Variants in BCS1L observed in about 807,000 individuals in gnomAD.
The protein encoded by BCS1L is mitochondrial chaperone BCS1.
Under a neutral mutation model 49.3 loss-of-function variants are expected in BCS1L, and 38 were observed. The ratio of observed to expected loss-of-function variants is 0.77; its 90% CI spans 0.59 to 1.01. The LOEUF (loss-of-function observed/expected upper bound fraction) is 1.01. BCS1L is among the 50% of genes least tolerant of loss of function. BCS1L has a pLI of 0.00. For missense variants in BCS1L, 394 were observed against 540.2 expected, an observed-to-expected ratio of 0.73 and a Z score of 2.68; for synonymous variants, 193 against 210.1, an observed-to-expected ratio of 0.92 and a Z score of 0.70.
rs1458974411 is a variant in BCS1L, at chr2:218,659,945, C to T, written c.-50+202C>T. On this transcript the variant is annotated intron_variant, in intron 1 of 7. Transcript: ENST00000359273. The surrounding 1 kb of genome is among the most constrained non-coding windows in gnomAD (Gnocchi z 4.4). ...TCAGCCGAGGTCACTGCTGTCAGCT[C>T]ACCTCCCTGCATGCCAGGCGCAGGG... 2.0e-5 allele frequency: 3 copies of T among 152,300 alleles called. No individual in the cohort carries two copies. The highest frequency in any genetic ancestry group is 4.4e-5 in the Non-Finnish European group (3 of 68,130). The allele number at this position is 152,300 out of a possible 1,614,324, so 9.4% of individuals were successfully genotyped here.
Position 218,662,505 on chromosome 2 carries a change from C to T in BCS1L, c.720-5C>T, listed in dbSNP as rs763546035. On this transcript the variant is annotated splice_polypyrimidine_tract_variant and splice_region_variant and intron_variant, in intron 5 of 7. Coordinates refer to ENST00000359273, the MANE Select transcript of BCS1L (RefSeq NM_001079866.2). This position sits in a 1 kb window ranked among gnomAD's most constrained non-coding sequence, Gnocchi z 5.8. ...TGCTACCTCCTGCCATCCCATGCTC[C>T]ATAGCACAGCCCTGGCTGGGGAACT... 1.2e-6 allele frequency: 2 copies of T among 1,613,716 alleles called. No homozygotes were observed. The highest frequency in any genetic ancestry group is 1.7e-6 in the Non-Finnish European group (2 of 1,180,026).
chr2:218,659,513 C>A (rs1441877178), upstream of BCS1L: 1 of 152,248 alleles, frequency 6.6e-6, no homozygotes, highest in African/African-American at 2.4e-5. This position sits in a 1 kb window ranked among gnomAD's most constrained non-coding sequence, Gnocchi z 4.4. Context: ...TTCCTCTTGC[C>A]GGCTGCCGGG....
In BCS1L at chr2:218,662,824, A is replaced by G. The variant is rs1332988665; in HGVS notation, c.890-59A>G. On this transcript the variant is annotated intron_variant, in intron 6 of 7. Coordinates refer to ENST00000359273, the MANE Select transcript of BCS1L (RefSeq NM_001079866.2). The surrounding 1 kb of genome is among the most constrained non-coding windows in gnomAD (Gnocchi z 5.8). Reference sequence around the variant, plus strand: ...GATAAGTAGGGGAACATAGTGGGGCATGCTAATTTTATGCTGGGCTATGAC... The same window carrying G: ...GATAAGTAGGGGAACATAGTGGGGCGTGCTAATTTTATGCTGGGCTATGAC... 1.3e-6 allele frequency: 2 copies of G among 1,586,764 alleles called. No homozygotes were observed. Among genetic ancestry groups the G allele is most frequent in the African/African-American group, 2.7e-5 (2 of 74,258 alleles).
At position 218,661,334 on chromosome 2, in the gene BCS1L, T is replaced by C. The variant is rs1236530840; in HGVS notation, c.320+27T>C. ...TAAGGTGGGGAGCTAGGGAGGGCTGTGAGAGTAGAAAAGAATGATGGGAGC... is the reference window on the plus strand; with the variant it reads ...TAAGGTGGGGAGCTAGGGAGGGCTGCGAGAGTAGAAAAGAATGATGGGAGC... On this transcript the variant is annotated intron_variant, in intron 2 of 7. Transcript: ENST00000359273. The surrounding 1 kb of genome is among the most constrained non-coding windows in gnomAD (Gnocchi z 5.9). 6.2e-7 allele frequency: 1 copy of C among 1,614,046 alleles called. No homozygotes were observed. The highest frequency in any genetic ancestry group is 8.5e-7 in the Non-Finnish European group (1 of 1,180,026).
rs779504946 is a variant in BCS1L at position 218,661,849 on chromosome 2, G to A, written c.551G>A (p.Arg184His). The A allele has an allele frequency of 2.4e-5, 38 of 1,614,036 alleles. No homozygotes were observed. Among genetic ancestry groups the A allele is most frequent in the Admixed American group, 2.2e-4 (13 of 59,992 alleles). Residue 184 changes from arginine (R) to histidine (H), a missense_variant, in exon 4 of 8, where the codon CGC becomes CAC. By Grantham distance (29) the Arg-to-His change is conservative. Transcript: ENST00000359273. This position sits in a 1 kb window ranked among gnomAD's most constrained non-coding sequence, Gnocchi z 5.9. Reference sequence around the variant, plus strand: ...TGGCGTCCCTTTGGCTATCCACGCCGCCGGCGACCACTGAATTCTGTGGTT... The same window carrying A: ...TGGCGTCCCTTTGGCTATCCACGCCACCGGCGACCACTGAATTCTGTGGTT... ...SEWRPFGYPR[R>H]RRPLNSVVLQ...
Position 218,660,938 on chromosome 2 carries a change from G to T in BCS1L, c.-49-1G>T. ...CCATCTCCACTGTTCCCCACCCCTAGGTTTTCGTAACACCCCAGGGCCTGT... is the reference window on the plus strand; with the variant it reads ...CCATCTCCACTGTTCCCCACCCCTATGTTTTCGTAACACCCCAGGGCCTGT... On this transcript the variant is annotated splice_acceptor_variant, in intron 1 of 7. Coordinates refer to ENST00000359273, the MANE Select transcript of BCS1L (RefSeq NM_001079866.2). LOFTEE classifies it low-confidence loss of function (5UTR_SPLICE). The T allele has an allele frequency of 6.2e-7, 1 of 1,602,718 alleles. No homozygotes were observed. The highest frequency in any genetic ancestry group is 8.5e-7 in the Non-Finnish European group (1 of 1,173,086).
At position 218,662,606 on chromosome 2, in the gene BCS1L, G is replaced by T; in HGVS notation, c.816G>T (p.Val272=). 1 of 1,614,186 alleles carries T rather than the reference G, an allele frequency of 6.2e-7. No homozygotes were observed. The highest frequency in any genetic ancestry group is 8.5e-7 in the Non-Finnish European group (1 of 1,180,026). ...ACCGACTCAACCACCTGCTGAGCGT[G>T]GCCCCGCAGCAGAGCCTGGTACTCC... ...SDDRLNHLLS[V]APQQSLVLLE... Residue 272 remains valine (V), a synonymous_variant, in exon 6 of 8, where the codon GTG becomes GTT. Transcript: ENST00000359273. The surrounding 1 kb of genome is among the most constrained non-coding windows in gnomAD (Gnocchi z 5.8).
At position 218,661,282 on chromosome 2, in the gene BCS1L, C is replaced by T; in HGVS notation, c.295C>T (p.Pro99Ser). The T allele has an allele frequency of 6.2e-7, 1 of 1,614,192 alleles. No homozygotes were observed. Among genetic ancestry groups the T allele is most frequent in the Non-Finnish European group, 8.5e-7 (1 of 1,180,046 alleles). The part of the protein sequence containing the change: ...GRISTKFEFV[P>S]SPGNHFIWYR... ...CATTTCCACTAAGTTTGAATTTGTC[C>T]CCAGCCCTGGAAACCATTTTATCTG... Residue 99 changes from proline to serine, a missense_variant, in exon 2 of 8, where the codon CCC becomes TCC. Coordinates refer to ENST00000359273, the MANE Select transcript of BCS1L (RefSeq NM_001079866.2). This position sits in a 1 kb window ranked among gnomAD's most constrained non-coding sequence, Gnocchi z 5.9.
intron 1 of BCS1L, 57 bp from the exon 2 acceptor site, chr2:218,660,882 G>T: frequency 7.8e-7 from 1 of 1,289,996 alleles, no homozygotes; most frequent in South Asian, 1.2e-5. Context: ...GCCAGGGCTG[G>T]GGAGGTCCAA....
In BCS1L at chr2:218,661,994, T is replaced by A. The variant is rs1020373468; in HGVS notation, c.655+41T>A. On this transcript the variant is annotated intron_variant, in intron 4 of 7. Transcript: ENST00000359273. The surrounding 1 kb of genome is among the most constrained non-coding windows in gnomAD (Gnocchi z 5.9). ...GGTCTTGGCTGTGCTGTTTTTGACA[T>A]TTTTAGAAGGGACAGGTTGGTCTCC... The A allele has an allele frequency of 3.1e-6, 5 of 1,601,590 alleles. No homozygotes were observed. In the African/African-American group the frequency reaches 6.7e-5, roughly 21 times the overall value.
Position 218,662,829 on chromosome 2 carries a change from A to C in BCS1L, c.890-54A>C, listed in dbSNP as rs887329900. ...GTAGGGGAACATAGTGGGGCATGCT[A>C]ATTTTATGCTGGGCTATGACTACTC... On this transcript the variant is annotated intron_variant, in intron 6 of 7. Coordinates refer to ENST00000359273, the MANE Select transcript of BCS1L (RefSeq NM_001079866.2). This position sits in a 1 kb window ranked among gnomAD's most constrained non-coding sequence, Gnocchi z 5.8. 2 of 1,593,066 alleles carry C rather than the reference A, an allele frequency of 1.3e-6. No individual in the cohort carries two copies. Among genetic ancestry groups the C allele is most frequent in the Admixed American group, 1.7e-5 (1 of 59,964 alleles).
At position 218,661,503 on chromosome 2, in the gene BCS1L, C is replaced by A; in HGVS notation, c.418C>A (p.Leu140Met). 6.2e-7 allele frequency: 1 copy of A among 1,614,174 alleles called. No individual in the cohort carries two copies. The highest frequency in any genetic ancestry group is 1.1e-5 in the South Asian group (1 of 91,078). Residue 140 changes from leucine to methionine, a missense_variant, in exon 3 of 8, where the codon CTG becomes ATG. Leu to Met is a conservative substitution (Grantham distance 15). Coordinates refer to ENST00000359273, the MANE Select transcript of BCS1L (RefSeq NM_001079866.2). This position sits in a 1 kb window ranked among gnomAD's most constrained non-coding sequence, Gnocchi z 5.9. ...TPWESVTFTA[L>M]GTDRKVFFNI... ...TTGGGAATCTGTCACCTTCACGGCC[C>A]TGGGCACTGACCGAAAGGTTTTCTT...
At position 218,661,818 on chromosome 2, in the gene BCS1L, T is replaced by G. The variant is rs1939485807; in HGVS notation, c.520T>G (p.Ser174Ala). 1 of 1,614,098 alleles carries G rather than the reference T, an allele frequency of 6.2e-7. No homozygotes were observed. The highest frequency in any genetic ancestry group is 1.3e-5 in the African/African-American group (1 of 74,954). Residue 174 changes from serine to alanine, a missense_variant, in exon 4 of 8, where the codon TCT (serine) becomes GCT (alanine). Transcript: ENST00000359273. This position sits in a 1 kb window ranked among gnomAD's most constrained non-coding sequence, Gnocchi z 5.9. ...GKTVMYTAVG[S>A]EWRPFGYPRR... Reference sequence around the variant, plus strand: ...GACCGTGATGTACACAGCTGTGGGCTCTGAATGGCGTCCCTTTGGCTATCC... The same window carrying G: ...GACCGTGATGTACACAGCTGTGGGCGCTGAATGGCGTCCCTTTGGCTATCC...
At position 218,661,714 on chromosome 2, in the gene BCS1L, A is replaced by G. The variant is rs1478734685; in HGVS notation, c.461-45A>G. On this transcript the variant is annotated intron_variant, in intron 3 of 7. Coordinates refer to ENST00000359273, the MANE Select transcript of BCS1L (RefSeq NM_001079866.2). This position sits in a 1 kb window ranked among gnomAD's most constrained non-coding sequence, Gnocchi z 5.9. Reference sequence around the variant, plus strand: ...GCTCCACCTAATTGAAGAATCAGCCATGGTGAAGAGAATTATTGGCTTTAT... The same window carrying G: ...GCTCCACCTAATTGAAGAATCAGCCGTGGTGAAGAGAATTATTGGCTTTAT... The G allele has an allele frequency of 3.7e-6, 6 of 1,600,332 alleles. No homozygotes were observed. Among genetic ancestry groups the G allele is most frequent in the Middle Eastern group, 3.4e-4 (2 of 5,900 alleles).
Position 218,662,366 on chromosome 2 carries a change from T to A in BCS1L, c.719+106T>A. ...TGAATCTGGGGATCGGGGACCAGGA[T>A]AAACATGAAACGTGTGGAACATCAG... On this transcript the variant is annotated intron_variant, in intron 5 of 7. Transcript: ENST00000359273. The surrounding 1 kb of genome is among the most constrained non-coding windows in gnomAD (Gnocchi z 5.8). The A allele has an allele frequency of 6.7e-7, 1 of 1,494,446 alleles. No homozygotes were observed. The highest frequency in any genetic ancestry group is 9.3e-7 in the Non-Finnish European group (1 of 1,073,614). The allele number at this position is 1,494,446 out of a possible 1,614,324, so 92.6% of individuals were successfully genotyped here.
Position 218,661,395 on chromosome 2 carries a change from T to TTCTTATTCAGGTA in BCS1L, c.321-8_325dup. The TTCTTATTCAGGTA allele has an allele frequency of 6.2e-7, 1 of 1,614,170 alleles. No individual in the cohort carries two copies. Among genetic ancestry groups the TTCTTATTCAGGTA allele is most frequent in the African/African-American group, 1.3e-5 (1 of 75,052 alleles). On this transcript the variant is annotated splice_polypyrimidine_tract_variant and intron_variant, in intron 2 of 7. Coordinates refer to ENST00000359273, the MANE Select transcript of BCS1L (RefSeq NM_001079866.2). This position sits in a 1 kb window ranked among gnomAD's most constrained non-coding sequence, Gnocchi z 5.9. ...CCATTCACTCACTCAGTTTTGATCG[T>TTCTTATTCAGGTA]TCTTATTCAGGTATCGGGGGAAATG...
In BCS1L at chr2:218,662,608, C is replaced by T; in HGVS notation, c.818C>T (p.Ala273Val). The T allele has an allele frequency of 1.2e-6, 2 of 1,614,178 alleles. No homozygotes were observed. The highest frequency in any genetic ancestry group is 1.1e-5 in the South Asian group (1 of 91,078). Reference sequence around the variant, plus strand: ...CGACTCAACCACCTGCTGAGCGTGGCCCCGCAGCAGAGCCTGGTACTCCTG... The same window carrying T: ...CGACTCAACCACCTGCTGAGCGTGGTCCCGCAGCAGAGCCTGGTACTCCTG... ...DDRLNHLLSVAPQQSLVLLED... is the reference protein window; with the variant it reads ...DDRLNHLLSVVPQQSLVLLED... The change falls in exon 6 of 8, where the codon GCC becomes GTC. Residue 273 changes from alanine to valine, a missense_variant. By Grantham distance (64) the Ala-to-Val change is moderately conservative. Coordinates refer to ENST00000359273, the MANE Select transcript of BCS1L (RefSeq NM_001079866.2). The surrounding 1 kb of genome is among the most constrained non-coding windows in gnomAD (Gnocchi z 5.8).
rs1238258534 is a variant in BCS1L, at chr2:218,662,668, T to G, written c.878T>G (p.Leu293Trp). 6.2e-7 allele frequency: 1 copy of G among 1,614,004 alleles called. No individual in the cohort carries two copies. ...GATGCTGCTTTTCTCAGTCGAGACT[T>G]GGCTGTGGAGAGTAAGTGAGGGGTT... Reference protein sequence around the residue: ...DVDAAFLSRDLAVENPVKYQG... With the variant: ...DVDAAFLSRDWAVENPVKYQG... Residue 293 changes from leucine to tryptophan, a missense_variant, in exon 6 of 8, where the codon TTG becomes TGG. Coordinates refer to ENST00000359273, the MANE Select transcript of BCS1L (RefSeq NM_001079866.2). This position sits in a 1 kb window ranked among gnomAD's most constrained non-coding sequence, Gnocchi z 5.8.
rs749094061 is a variant in BCS1L, at chr2:218,662,967, G to A, written c.974G>A (p.Arg325His). 9 of 1,613,938 alleles carry A rather than the reference G, an allele frequency of 5.6e-6. No individual in the cohort carries two copies. Among genetic ancestry groups the A allele is most frequent in the Non-Finnish European group, 5.9e-6 (7 of 1,179,970 alleles). ...ALDGVASTEA[R>H]IVFMTTNHVD... is the part of the protein sequence containing the mutation. The stretch of plus-strand genomic sequence containing the variant: ...GATGGTGTGGCTTCCACCGAGGCCC[G>A]CATCGTGTTCATGACCACCAACCAC... Residue 325 changes from arginine to histidine, a missense_variant, in exon 7 of 8, where the codon CGC (arginine) becomes CAC (histidine). Arg to His is a conservative substitution (Grantham distance 29). Coordinates refer to ENST00000359273, the MANE Select transcript of BCS1L (RefSeq NM_001079866.2). The surrounding 1 kb of genome is among the most constrained non-coding windows in gnomAD (Gnocchi z 5.8).
Sources: allele counts gnomAD v4.1 joint callset, GRCh38; gene constraint gnomAD v4.1.1; non-coding constraint Gnocchi (gnomAD v3.1); transcripts MANE v1.5; gene names NCBI Gene and HGNC (gene_info 2026-07-23, HGNC 2026-07-21).